Variants in COL6A1 observed in about 807,000 individuals in gnomAD.
The protein encoded by COL6A1 is collagen alpha-1(VI) chain.
In COL6A1, 80 loss-of-function variants were observed where a neutral mutation model predicts 145.6. The ratio of observed to expected loss-of-function variants is 0.55; its 90% CI spans 0.46 to 0.66. The LOEUF is 0.66. Ranked by LOEUF, COL6A1 falls within the 30% of genes least tolerant of loss-of-function variation. The pLI, the probability that COL6A1 is intolerant of heterozygous loss-of-function variation, is 0.00. For synonymous variants in COL6A1, 638 were observed against 622.8 expected (o/e 1.02, Z -0.36); for missense variants, 1,364 against 1,473.8 (o/e 0.93, Z 1.22).
chr21:45,987,530 C>T lies in COL6A1; in HGVS notation c.759+11C>T, dbSNP rs746763159. 1.3e-4 allele frequency: 209 copies of T among 1,612,760 alleles called. No individual in the cohort carries two copies. The highest frequency in any genetic ancestry group is 1.7e-4 in the Non-Finnish European group (205 of 1,179,968). ...TCCTTCGAATGCCAGGTGAGTGTGC[C>T]CCCCGACCCCTGACCCCGCGCCCTG... On this transcript the variant is annotated intron_variant, in intron 7 of 34. Transcript: ENST00000361866.
At chr21:45,983,977 C>A (rs1488941900) in intron 2 of COL6A1, among the ~76,000 whole-genome samples, 1 of 152,212 alleles carries the variant, frequency 6.6e-6, no homozygotes, top group African/African-American at 2.4e-5. Context: ...CTCCTTCCCC[C>A]ACTGTCATGC....
rs747230596 is a variant in COL6A1, at chr21:46,001,238, C to T, written c.1823-15C>T. On this transcript the variant is annotated splice_polypyrimidine_tract_variant and intron_variant, in intron 29 of 34. Coordinates refer to ENST00000361866, the MANE Select transcript of COL6A1 (RefSeq NM_001848.3). The stretch of plus-strand genomic sequence containing the variant: ...GGGGAGGGGCGTGCTCTGCTGACAC[C>T]GCCCCCGCCTGCAGAATGCAAGTGC... The T allele has an allele frequency of 6.2e-6, 10 of 1,600,120 alleles. No individual in the cohort carries two copies. The highest frequency in any genetic ancestry group is 2.7e-5 in the African/African-American group (2 of 74,864).
chr21:45,989,001 C>T (rs145184207), intron 8 of COL6A1, 83 bp from the exon 9 acceptor site: 196 of 1,514,582 alleles, frequency 1.3e-4, no homozygotes, highest in Non-Finnish European at 1.7e-4. Flanking sequence ...CTGGATGAAG[C>T]GTCTTTTTAA....
At chr21:45,990,017 ACCCTCTGCGGAGCCGGGGG>A (rs2077765009) in intron 11 of COL6A1, among the ~76,000 whole-genome samples, 1 of 11,090 alleles carries the variant, frequency 9.0e-5, no homozygotes, top group Admixed American at 9.4e-4. Flanking sequence ...CCGGGCGGTT[ACCCTCTGCGGAGCCGGGGG>A]TCCCCCGGGC....
chr21:45,997,528 G>A (rs1227631018), intron 21 of COL6A1, 45 bp downstream of exon 21: 3 of 1,590,546 alleles, frequency 1.9e-6, no homozygotes, highest in Non-Finnish European at 2.6e-6. Context: ...AGGGGGGCCT[G>A]AGGATCCAGA....
At chr21:45,986,144 C>G (rs1465012875) in intron 3 of COL6A1, among the ~76,000 whole-genome samples, 1 of 152,174 alleles carries the variant, frequency 6.6e-6, no homozygotes, top group Non-Finnish European at 1.5e-5. Flanking sequence ...GCCACGGTGA[C>G]CGAGCAGCCT....
Position 45,981,894 on chromosome 21 carries a change from G to T in COL6A1, c.44G>T (p.Cys15Phe), listed in dbSNP as rs776678940. Residue 15 changes from cysteine to phenylalanine, a missense_variant, in exon 1 of 35, where the codon TGC becomes TTC. Physicochemically the swap from Cys to Phe is radical, Grantham distance 205. Around this residue, in one of 3 missense-constraint regions of COL6A1, gnomAD observed 414 missense variants for 437.6 expected, o/e 0.95. Transcript: ENST00000361866. ...CTGCTGCCCCTGCTGCTGCAGGCCT[G>T]CTGGACAGCCGCGCAGGATGAGCCG... Reference protein sequence around the residue: ...RALLPLLLQACWTAAQDEPET... With the variant: ...RALLPLLLQAFWTAAQDEPET... 4 of 1,605,452 alleles carry T rather than the reference G, an allele frequency of 2.5e-6. No homozygotes were observed. The South Asian group carries it at 3.3e-5, about 13-fold the overall frequency.
At chr21:45,999,110 C>T (rs566222046) in intron 25 of COL6A1, 43 bp from the exon 26 acceptor site, 56 of 1,559,518 alleles carry the variant, frequency 3.6e-5, no homozygotes, top group East Asian at 3.3e-4. Context: ...CGCAGATGCC[C>T]GGGTGGTGCA....
chr21:46,002,415 C>T lies in COL6A1; in HGVS notation c.2250+14C>T, dbSNP rs778118115. 1.9e-6 allele frequency: 3 copies of T among 1,608,840 alleles called. No homozygotes were observed. In the Admixed American group the frequency reaches 5.1e-5, roughly 27 times the overall value. On this transcript the variant is annotated intron_variant, in intron 32 of 34. Transcript: ENST00000361866. ...CCCGGCATCCAGGTGGGGTGGCCAC[C>T]CCCAGGCTGCACCTGCCCCGCCTAG...
chr21:46,000,615 C>A, intron 28 of COL6A1, 144 bp from the exon 29 acceptor site: 1 of 1,373,246 alleles, frequency 7.3e-7, no homozygotes, highest in Non-Finnish European at 1.0e-6. Context: ...GGCGGGGAGG[C>A]GGGGCAGGAG....
chr21:45,988,914 G>A lies in COL6A1; in HGVS notation c.805-170G>A, dbSNP rs547031450. ...AAGGCAGGGAGTGGGGGGAGCTGGC[G>A]TGCGGGTTGGAGCTCCCAGACCCAG... On this transcript the variant is annotated intron_variant, in intron 8 of 34. Coordinates refer to ENST00000361866, the MANE Select transcript of COL6A1 (RefSeq NM_001848.3). Among the ~76,000 whole-genome samples, 22 of 152,314 alleles carry A rather than the reference G, an allele frequency of 1.4e-4. No homozygotes were observed. In the East Asian group the frequency reaches 3.3e-3, roughly 23 times the overall value.
At chr21:45,987,568 C>A (rs752097018) in intron 7 of COL6A1, 42 bp from the exon 8 acceptor site, 47 of 1,612,670 alleles carry the variant, frequency 2.9e-5, no homozygotes, top group Non-Finnish European at 3.7e-5. Context: ...CCCTGGGAAC[C>A]TGAGTCTGGG....
Position 46,001,337 on chromosome 21 carries a change from A to T in COL6A1, c.1907A>T (p.Asp636Val), listed in dbSNP as rs1344805926. ...CTGCAGAACTTCGAGATTGCCAAGG[A>T]CTTCGTCGTCAAGGTCATCGACCGG... ...IGLQNFEIAK[D>V]FVVKVIDRLS... Residue 636 changes from aspartate to valine, a missense_variant, in exon 30 of 35, where the codon GAC (aspartate) becomes GTC (valine). This residue lies in a region of COL6A1 where 938 missense variants were observed against 1,003.8 expected (regional missense o/e 0.93). Coordinates refer to ENST00000361866, the MANE Select transcript of COL6A1 (RefSeq NM_001848.3). The T allele has an allele frequency of 1.2e-6, 2 of 1,612,860 alleles. No homozygotes were observed. The highest frequency in any genetic ancestry group is 1.1e-5 in the South Asian group (1 of 91,088).
chr21:45,991,682 A>G (rs988890766), intron 15 of COL6A1, among the ~76,000 whole-genome samples: 2 of 152,172 alleles, frequency 1.3e-5, no homozygotes, highest in South Asian at 2.1e-4. Flanking sequence ...CTCATCTTCA[A>G]GTTCCCAGAT....
At chr21:45,987,683 T>C (rs1212327592) in intron 8 of COL6A1, 29 bp downstream of exon 8, 3 of 1,597,596 alleles carry the variant, frequency 1.9e-6, no homozygotes, top group Non-Finnish European at 2.6e-6. Context: ...TCCTCCCATG[T>C]GTTGTGGGGC....
At chr21:45,990,195 G>A (rs1304937807) in intron 11 of COL6A1, 63 bp from the exon 12 acceptor site, 8 of 1,604,644 alleles carry the variant, frequency 5.0e-6, no homozygotes, top group Middle Eastern at 1.8e-4. Flanking sequence ...GTGGGCCTAA[G>A]CCAGGCTTGC....
chr21:45,981,795 G>T lies in COL6A1; in HGVS notation c.-56G>T. ...AGAAGGCAGCCTCGGTCTCTGGGCG[G>T]CGGCGGCGGCCCACTCTGCCCTGGC... On this transcript the variant is annotated 5_prime_UTR_variant, in exon 1 of 35. Coordinates refer to ENST00000361866, the MANE Select transcript of COL6A1 (RefSeq NM_001848.3). 2 of 1,372,420 alleles carry T rather than the reference G, an allele frequency of 1.5e-6. No individual in the cohort carries two copies. Among genetic ancestry groups the T allele is most frequent in the Non-Finnish European group, 2.0e-6 (2 of 1,001,348 alleles). The allele number at this position is 1,372,420 out of a possible 1,614,324, so 85.0% of individuals were successfully genotyped here.
intron 3 of COL6A1, among the ~76,000 whole-genome samples, chr21:45,985,089 G>T (rs1385769517): frequency 6.6e-6 from 1 of 151,688 alleles, no homozygotes; most frequent in Non-Finnish European, 1.5e-5. Flanking sequence ...CAGAAACAGA[G>T]ACAGAGAGAC....
At chr21:45,991,795 T>C (rs2077778430) in intron 15 of COL6A1, among the ~76,000 whole-genome samples, 1 of 152,196 alleles carries the variant, frequency 6.6e-6, no homozygotes, top group African/African-American at 2.4e-5. Context: ...AGATGGCCCT[T>C]GGCTGGGCCT....
Sources: gnomAD v4.1 joint callset for allele counts (sites outside exome capture counted in the v4.1 genomes callset) on GRCh38, gnomAD v4.1.1 for gene constraint, gnomAD v4.1.1 regional missense constraint, MANE v1.5 for transcripts, NCBI Gene and HGNC (gene_info 2026-07-23, HGNC 2026-07-21) for gene names.